The following PDC variants were observed in gnomAD, a reference collection of about 807,000 sequenced individuals.
PDC encodes the protein phosducin, also known as 33 kDa phototransducing protein.
PDC carries 19 observed loss-of-function variants against 22.2 expected under a neutral mutation model. That is an observed-to-expected ratio of 0.86 (90% CI 0.60 to 1.26). PDC has a LOEUF of 1.26. Among genes scored for constraint, PDC ranks in the 50% most tolerant of loss-of-function variants. PDC has a pLI of 0.00. For synonymous variants in PDC, 97 were observed against 96.2 expected, an observed-to-expected ratio of 1.01 and a Z score of -0.05; for missense variants, 274 against 286.8, an observed-to-expected ratio of 0.96 and a Z score of 0.32.
intron 3 of PDC, among the ~76,000 whole-genome samples, chr1:186,445,279 C>G (rs912049137): frequency 5.9e-5 from 9 of 152,226 alleles, no homozygotes; most frequent in African/African-American, 2.2e-4. Context: ...GAATTGAGAA[C>G]ACGTGAAACT....
intron 1 of PDC, among the ~76,000 whole-genome samples, chr1:186,460,735 T>C (rs534148387): frequency 1.3e-5 from 2 of 152,270 alleles, no homozygotes; most frequent in East Asian, 1.9e-4. Context: ...TCATTTATTC[T>C]CTTTAGTTCT....
chr1:186,458,884 G>A (rs934288562), intron 1 of PDC, among the ~76,000 whole-genome samples: 1 of 152,192 alleles, frequency 6.6e-6, no homozygotes, highest in Non-Finnish European at 1.5e-5. Context: ...TGGAGAGGCT[G>A]CGCGCGGTGG....
At chr1:186,453,477 A>T (rs1449002837) in intron 1 of PDC, among the ~76,000 whole-genome samples, 2 of 152,208 alleles carry the variant, frequency 1.3e-5, no homozygotes, top group African/African-American at 2.4e-5. Context: ...GTATATTCTC[A>T]GTATTGCTTA....
At chr1:186,457,463 T>C (rs1662493477) in intron 1 of PDC, among the ~76,000 whole-genome samples, 1 of 152,206 alleles carries the variant, frequency 6.6e-6, no homozygotes, top group Non-Finnish European at 1.5e-5. Flanking sequence ...GAATGTAGCA[T>C]ACTTGTTTTC....
In PDC at chr1:186,455,971, C is replaced by CAAAAAA. The variant is rs1213649798; in HGVS notation, c.-25+5082_-25+5087dup. 5.4e-3 allele frequency among the ~76,000 whole-genome samples: 47 copies of CAAAAAA among 8,652 alleles called. 7 individuals are homozygous for CAAAAAA. Among genetic ancestry groups the CAAAAAA allele is most frequent in the South Asian group, 8.5e-3 (1 of 118 alleles). The allele number at this position is 8,652 out of a possible 152,430, so 5.7% of individuals were successfully genotyped here. On this transcript the variant is annotated intron_variant, in intron 1 of 3. Coordinates refer to ENST00000391997, the MANE Select transcript of PDC (RefSeq NM_002597.5). ...TGGGCAACAGAGCGCGACTCCGTCT[C>CAAAAAA]AAAAAAAAAAAAAAAAAAAAAAAAT...
Position 186,443,988 on chromosome 1 carries a change from ATCT to A in PDC, c.729_731del (p.Glu243del), listed in dbSNP as rs763064542. 27 of 1,601,442 alleles carry A rather than the reference ATCT, an allele frequency of 1.7e-5. No homozygotes were observed. Among genetic ancestry groups the A allele is most frequent in the South Asian group, 5.6e-5 (5 of 90,062 alleles). ...TTGACATAGTGAATCTTCATTCAAC[ATCT>A]TCTTCTTCTATTTTGGTATGCTCTA... On this transcript the variant is annotated inframe_deletion, in exon 4 of 4. Transcript: ENST00000391997.
At chr1:186,457,118 G>T (rs766434467) in intron 1 of PDC, among the ~76,000 whole-genome samples, 1 of 152,142 alleles carries the variant, frequency 6.6e-6, no homozygotes, top group Non-Finnish European at 1.5e-5. Flanking sequence ...AGGTGACTGT[G>T]AGCTAATCTG....
intron 3 of PDC, among the ~76,000 whole-genome samples, chr1:186,444,895 A>T (rs914810685): frequency 1.3e-5 from 2 of 152,182 alleles, no homozygotes; most frequent in Non-Finnish European, 2.9e-5. Context: ...CAGCATCAGC[A>T]TCACTTGGGA....
At chr1:186,451,807 T>C (rs1028349185) in intron 1 of PDC, 1 of 152,220 alleles carries the variant, frequency 6.6e-6, no homozygotes. Context: ...ATTGGATTAA[T>C]ATATGTTGAG....
intron 1 of PDC, among the ~76,000 whole-genome samples, chr1:186,454,514 C>T (rs910755486): frequency 6.6e-6 from 1 of 152,102 alleles, no homozygotes; most frequent in African/African-American, 2.4e-5. Flanking sequence ...TGACTAATAA[C>T]GACTCTGGAA....
intron 1 of PDC, among the ~76,000 whole-genome samples, chr1:186,460,119 G>T (rs946487653): frequency 5.3e-5 from 8 of 152,024 alleles, no homozygotes; most frequent in African/African-American, 1.7e-4. Context: ...CTAAGGAAAA[G>T]CCTCAAAACA....
At chr1:186,459,501 TC>T (rs1018931054) in intron 1 of PDC, among the ~76,000 whole-genome samples, 8 of 152,194 alleles carry the variant, frequency 5.3e-5, no homozygotes, top group Non-Finnish European at 2.9e-5. Flanking sequence ...ATAACAGCCA[TC>T]TTTTTTAAAG....
At position 186,449,394 on chromosome 1, in the gene PDC, C is replaced by T. The variant is rs770633904; in HGVS notation, c.61+5G>A. The T allele has an allele frequency of 2.5e-6, 4 of 1,583,362 alleles. No homozygotes were observed. In the South Asian group the frequency reaches 3.5e-5, roughly 14 times the overall value. Reference sequence around the variant, plus strand: ...ATAATTATTTTTTCTTCTAGCTTTGCTTGCCTGTATGTGTGGCCTGTCCTT... The same window carrying T: ...ATAATTATTTTTTCTTCTAGCTTTGTTTGCCTGTATGTGTGGCCTGTCCTT... On this transcript the variant is annotated splice_donor_5th_base_variant and intron_variant, in intron 2 of 3. Transcript: ENST00000391997.
At chr1:186,450,002 T>C (rs1324695076) in intron 1 of PDC, among the ~76,000 whole-genome samples, 1 of 152,210 alleles carries the variant, frequency 6.6e-6, no homozygotes, top group Non-Finnish European at 1.5e-5. Flanking sequence ...CAATTGTTAA[T>C]GACATGTTGT....
At chr1:186,449,034 C>A (rs1662293757) in intron 2 of PDC, among the ~76,000 whole-genome samples, 1 of 151,836 alleles carries the variant, frequency 6.6e-6, no homozygotes, top group African/African-American at 2.4e-5. Context: ...AAATTAAAGG[C>A]CATTTATTAA....
chr1:186,452,797 G>T (rs1662379461), intron 1 of PDC, among the ~76,000 whole-genome samples: 1 of 152,130 alleles, frequency 6.6e-6, no homozygotes, highest in Non-Finnish European at 1.5e-5. Flanking sequence ...ATCTTTGTGT[G>T]ATTGGAAATT....
chr1:186,460,581 G>A (rs1464289226), intron 1 of PDC, among the ~76,000 whole-genome samples: 1 of 152,144 alleles, frequency 6.6e-6, no homozygotes, highest in East Asian at 1.9e-4. Context: ...AAACAACATA[G>A]TATACACACA....
intron 2 of PDC, 56 bp downstream of exon 2, chr1:186,449,343 A>G (rs1477444160): frequency 1.0e-5 from 10 of 998,608 alleles, no homozygotes; most frequent in Non-Finnish European, 1.6e-5. Flanking sequence ...AGAACATTAG[A>G]TATTGCCATA....
intron 2 of PDC, among the ~76,000 whole-genome samples, chr1:186,447,785 TAC>T (rs1662264555): frequency 6.6e-6 from 1 of 152,264 alleles, no homozygotes; most frequent in Admixed American, 6.5e-5. Flanking sequence ...TGTTTTCACA[TAC>T]AGTGTTCATA....
Sources: gnomAD v4.1 joint callset for allele counts (sites outside exome capture counted in the v4.1 genomes callset) on GRCh38, gnomAD v4.1.1 for gene constraint, MANE v1.5 for transcripts, NCBI Gene and HGNC (gene_info 2026-07-23, HGNC 2026-07-21) for gene names.